Variants in GRIK2 observed in about 807,000 individuals in gnomAD.
GRIK2 encodes the protein glutamate receptor ionotropic, kainate 2.
GRIK2 carries 32 observed loss-of-function variants against 100.3 expected under a neutral mutation model. That is an observed-to-expected ratio of 0.32 (90% confidence interval 0.24 to 0.43). The LOEUF (loss-of-function observed/expected upper bound fraction) is 0.43, where lower values mean the gene tolerates loss of function less well. Among genes scored for constraint, GRIK2 ranks in the 20% least tolerant of loss-of-function variants. The pLI is 1.00. For missense variants in GRIK2, 843 were observed against 1,114.9 expected (o/e 0.76, Z 3.47); for synonymous variants, 417 against 389.4 (o/e 1.07, Z -0.83).
chr6:101,579,948 T>C lies in GRIK2; in HGVS notation c.116-42001T>C, dbSNP rs1252185793. On this transcript the variant is annotated intron_variant, in intron 2 of 16. Coordinates refer to ENST00000369134, the MANE Select transcript of GRIK2 (RefSeq NM_021956.5). ...AGTCCCATTCTTTTTTAAATTCCTT[T>C]CCAACTTTATGACTACTTCTTCTCA... Among the ~76,000 whole-genome samples, 3 of 152,154 alleles carry C rather than the reference T, an allele frequency of 2.0e-5. No homozygotes were observed. In the East Asian group the frequency reaches 5.8e-4, roughly 29 times the overall value.
At chr6:101,780,360 G>C (rs998962203) in intron 7 of GRIK2, among the ~76,000 whole-genome samples, 1 of 152,064 alleles carries the variant, frequency 6.6e-6, no homozygotes, top group Admixed American at 6.6e-5. Flanking sequence ...GATTCTAAGG[G>C]TTAGGATTTG....
intron 10 of GRIK2, among the ~76,000 whole-genome samples, chr6:101,837,832 G>A (rs940681913): frequency 1.3e-5 from 2 of 152,128 alleles, no homozygotes; most frequent in African/African-American, 4.8e-5. Flanking sequence ...TTCTTGTACT[G>A]TCTCTGGTTA....
intron 2 of GRIK2, among the ~76,000 whole-genome samples, chr6:101,595,716 G>GTATATATA (rs751726535): frequency 5.3e-4 from 71 of 133,780 alleles, no homozygotes; most frequent in East Asian, 1.7e-3. Flanking sequence ...GTGTGTGTGT[G>GTATATATA]TGTATATATA....
chr6:101,529,177 A>T (rs1361648488), intron 2 of GRIK2, among the ~76,000 whole-genome samples: 1 of 152,096 alleles, frequency 6.6e-6, no homozygotes, highest in Non-Finnish European at 1.5e-5. Flanking sequence ...GGATCTACTG[A>T]CCATGGCAAA....
At chr6:101,495,136 A>G (rs1012465331) in intron 2 of GRIK2, among the ~76,000 whole-genome samples, 36 of 151,764 alleles carry the variant, frequency 2.4e-4, no homozygotes, top group African/African-American at 8.7e-4. Flanking sequence ...GTATGTATCT[A>G]TCATCTACCC....
At chr6:101,905,263 A>G (rs1211078907) in intron 12 of GRIK2, among the ~76,000 whole-genome samples, 1 of 151,522 alleles carries the variant, frequency 6.6e-6, no homozygotes, top group Non-Finnish European at 1.5e-5. Flanking sequence ...CTTAAAATGA[A>G]TGCAATTATC....
chr6:101,984,173 A>G (rs1793880989), intron 14 of GRIK2, among the ~76,000 whole-genome samples: 1 of 151,754 alleles, frequency 6.6e-6, no homozygotes, highest in Admixed American at 6.6e-5. Context: ...TTATTAATTT[A>G]TGAATTACCT....
intron 2 of GRIK2, among the ~76,000 whole-genome samples, chr6:101,602,404 G>A (rs770410862): frequency 6.6e-6 from 1 of 151,026 alleles, no homozygotes; most frequent in Non-Finnish European, 1.5e-5. Flanking sequence ...ACAGTAAATA[G>A]GGTTTTACCT....
intron 2 of GRIK2, among the ~76,000 whole-genome samples, chr6:101,579,329 G>A (rs933994984): frequency 6.6e-6 from 1 of 151,876 alleles, no homozygotes; most frequent in African/African-American, 2.4e-5. Flanking sequence ...ATAACTTTAA[G>A]GTATTTCCAT....
At chr6:101,877,278 A>C (rs1255466053) in intron 11 of GRIK2, among the ~76,000 whole-genome samples, 1 of 151,970 alleles carries the variant, frequency 6.6e-6, no homozygotes, top group Non-Finnish European at 1.5e-5. Flanking sequence ...AGATTCAATC[A>C]ACTAGGGATC....
chr6:101,653,126 G>T (rs1781884191), intron 4 of GRIK2, among the ~76,000 whole-genome samples: 1 of 152,152 alleles, frequency 6.6e-6, no homozygotes, highest in Admixed American at 6.6e-5. Flanking sequence ...AGTGAAAGTA[G>T]AGCCTGCCCA....
At chr6:101,546,046 A>G (rs1226484577) in intron 2 of GRIK2, among the ~76,000 whole-genome samples, 2 of 151,796 alleles carry the variant, frequency 1.3e-5, no homozygotes, top group African/African-American at 4.8e-5. Flanking sequence ...TTAAATGTCT[A>G]CCTTACTTAC....
intron 7 of GRIK2, among the ~76,000 whole-genome samples, chr6:101,731,575 A>C (rs182925012): frequency 5.3e-5 from 8 of 152,022 alleles, no homozygotes; most frequent in Non-Finnish European, 8.8e-5. Flanking sequence ...AGAATAGATA[A>C]TAGTGTTTAA....
chr6:101,784,078 A>G (rs773424355), intron 7 of GRIK2, among the ~76,000 whole-genome samples: 5 of 152,268 alleles, frequency 3.3e-5, no homozygotes, highest in Non-Finnish European at 4.4e-5. Context: ...AGAAATTTGC[A>G]TAAGTAACGA....
intron 12 of GRIK2, among the ~76,000 whole-genome samples, chr6:101,908,769 A>G (rs1445965230): frequency 7.1e-6 from 1 of 141,304 alleles, no homozygotes; most frequent in African/African-American, 2.6e-5. Flanking sequence ...TAAGATAGGA[A>G]GGATAAAAAT....
intron 6 of GRIK2, among the ~76,000 whole-genome samples, chr6:101,683,247 T>A (rs771958539): frequency 6.6e-6 from 1 of 152,070 alleles, no homozygotes; most frequent in African/African-American, 2.4e-5. Flanking sequence ...CACAAATTCT[T>A]ATGTTATCTC....
chr6:101,677,458 A>T (rs916505565), intron 5 of GRIK2, among the ~76,000 whole-genome samples: 1 of 152,148 alleles, frequency 6.6e-6, no homozygotes, highest in East Asian at 1.9e-4. Flanking sequence ...AATCAATCAA[A>T]CAAAACAATT....
At chr6:101,799,439 A>G (rs1193788640) in intron 7 of GRIK2, among the ~76,000 whole-genome samples, 1 of 152,124 alleles carries the variant, frequency 6.6e-6, no homozygotes, top group Non-Finnish European at 1.5e-5. Flanking sequence ...AGGGTAGGTC[A>G]AATTTTCTTA....
chr6:101,401,155 G>A (rs754113575), intron 2 of GRIK2, among the ~76,000 whole-genome samples: 1 of 152,086 alleles, frequency 6.6e-6, no homozygotes, highest in African/African-American at 2.4e-5. Flanking sequence ...ATGAGTGTGC[G>A]TTACTAAGTG....
Sources: gnomAD v4.1 joint callset for allele counts (sites outside exome capture counted in the v4.1 genomes callset) on GRCh38, gnomAD v4.1.1 for gene constraint, MANE v1.5 for transcripts, NCBI Gene and HGNC (gene_info 2026-07-23, HGNC 2026-07-21) for gene names.